The following GFPT1 variants were observed in gnomAD, a reference collection of about 807,000 sequenced individuals.
GFPT1 encodes glutamine--fructose-6-phosphate transaminase 1.
A neutral mutation model predicts 92.0 loss-of-function variants in GFPT1; 40 were observed. The observed-to-expected ratio is 0.43, with a 90% CI of 0.34 to 0.57. GFPT1 has a LOEUF of 0.57. Among genes scored for constraint, GFPT1 ranks in the 20% least tolerant of loss-of-function variants. The pLI is 0.02. For synonymous variants in GFPT1, 269 were observed against 280.6 expected (o/e 0.96, Z 0.41); for missense variants, 448 against 869.1 (o/e 0.52, Z 6.09).
intron 3 of GFPT1, among the ~76,000 whole-genome samples, chr2:69,369,349 T>A (rs1671688655): frequency 6.6e-6 from 1 of 152,220 alleles, no homozygotes; most frequent in Admixed American, 6.5e-5. Flanking sequence ...TGCGGTTTCC[T>A]GGGTTTTGTG....
intron 15 of GFPT1, 105 bp from the exon 16 acceptor site, chr2:69,329,903 G>A: frequency 1.3e-6 from 1 of 744,752 alleles, no homozygotes; most frequent in South Asian, 1.4e-5. Context: ...TGGTTTTACA[G>A]TATATATTCT....
intron 1 of GFPT1, among the ~76,000 whole-genome samples, chr2:69,378,213 C>G (rs1671925828): frequency 1.3e-5 from 2 of 152,168 alleles, no homozygotes; most frequent in Admixed American, 6.5e-5. Flanking sequence ...GCCATGTTGG[C>G]TAGGCTGGTC....
At chr2:69,378,479 T>C (rs1055037919) in intron 1 of GFPT1, among the ~76,000 whole-genome samples, 22 of 152,206 alleles carry the variant, frequency 1.4e-4, no homozygotes, top group Non-Finnish European at 2.2e-4. Context: ...TAATGGAATA[T>C]ACTTGGAATA....
intron 3 of GFPT1, among the ~76,000 whole-genome samples, chr2:69,369,677 A>C (rs1671695775): frequency 6.6e-6 from 1 of 152,234 alleles, no homozygotes; most frequent in African/African-American, 2.4e-5. Context: ...GCATCACTAA[A>C]AATACCTTTT....
Position 69,329,933 on chromosome 2 carries a change from T to C in GFPT1, c.1483-135A>G, listed in dbSNP as rs992855207. ...TATTCTCTATCTCTTAAAACTACGT[T>C]AGGGCCAAGCATGGTGGCTCATGCC... On this transcript the variant is annotated intron_variant, in intron 15 of 19. Transcript: ENST00000357308. The C allele has an allele frequency of 5.6e-5, 39 of 700,230 alleles. No homozygotes were observed. The Admixed American group carries it at 7.3e-4, about 13-fold the overall frequency. 43.4% of individuals were successfully genotyped at this position (700,230 alleles called of 1,614,324 possible).
At chr2:69,344,186 C>CAAAAAAAAAAAAAAAAAA (rs10602884) in intron 12 of GFPT1, among the ~76,000 whole-genome samples, 85 of 64,338 alleles carry the variant, frequency 1.3e-3, no homozygotes, top group Non-Finnish European at 1.5e-3. Context: ...AAAAGCAAAG[C>CAAAAAAAAAAAAAAAAAA]AAAAAAAAAA....
At chr2:69,345,547 A>T (rs1479183491) in intron 12 of GFPT1, among the ~76,000 whole-genome samples, 2 of 152,234 alleles carry the variant, frequency 1.3e-5, no homozygotes, top group Non-Finnish European at 2.9e-5. Context: ...TGTACAATTC[A>T]GTGGCATTAA....
chr2:69,337,652 A>G (rs1035643035), intron 15 of GFPT1, among the ~76,000 whole-genome samples: 2 of 152,222 alleles, frequency 1.3e-5, no homozygotes, highest in South Asian at 2.1e-4. Flanking sequence ...CATTATATAC[A>G]TAAGTCCCTT....
chr2:69,348,447 G>C, intron 10 of GFPT1, 113 bp from the exon 11 acceptor site: 3 of 872,858 alleles, frequency 3.4e-6, no homozygotes, highest in Non-Finnish European at 5.7e-6. Flanking sequence ...TCACTCTGCA[G>C]TATCTCAGAG....
Position 69,321,153 on chromosome 2 carries a change from T to C in GFPT1, c.*5036A>G, listed in dbSNP as rs1670394464. 6.6e-6 allele frequency: 1 copy of C among 152,248 alleles called. No homozygotes were observed. The highest frequency in any genetic ancestry group is 1.5e-5 in the Non-Finnish European group (1 of 68,038). 9.4% of individuals were successfully genotyped at this position (152,248 alleles called of 1,614,324 possible). ...AATATTATCCTTTCTTTTGCAACTA[T>C]CAATTCACTTAAAAGTTTTAATCAT... On this transcript the variant is annotated 3_prime_UTR_variant, in exon 20 of 20. Coordinates refer to ENST00000357308, the MANE Select transcript of GFPT1 (RefSeq NM_001244710.2).
At chr2:69,369,274 T>C (rs1671687195) in intron 3 of GFPT1, among the ~76,000 whole-genome samples, 1 of 152,190 alleles carries the variant, frequency 6.6e-6, no homozygotes, top group East Asian at 1.9e-4. Context: ...TCCATCATTT[T>C]CCTCTACCTG....
In GFPT1 at chr2:69,356,595, A is replaced by T. The variant is rs553195511; in HGVS notation, c.544-38T>A. The T allele has an allele frequency of 1.2e-4, 174 of 1,462,718 alleles. 3 individuals are homozygous for T. In the South Asian group the frequency reaches 1.9e-3, roughly 16 times the overall value. The allele number at this position is 1,462,718 out of a possible 1,614,324, so 90.6% of individuals were successfully genotyped here. A position where few individuals can be genotyped will look rare whatever the true frequency, so the allele number is the denominator to read the frequency against. ...AAAAATCCATTAGCACTATTTAATC[A>T]ATTATCAAGTCAGAAATGCCTAGAA... On this transcript the variant is annotated intron_variant, in intron 6 of 19. Transcript: ENST00000357308.
chr2:69,375,702 C>T (rs904322528), intron 1 of GFPT1, among the ~76,000 whole-genome samples: 5 of 152,168 alleles, frequency 3.3e-5, no homozygotes, highest in African/African-American at 1.2e-4. Flanking sequence ...AGTCATCTTA[C>T]TTTCACAGCA....
At chr2:69,351,040 T>C (rs1035033419) in intron 9 of GFPT1, among the ~76,000 whole-genome samples, 2 of 152,192 alleles carry the variant, frequency 1.3e-5, no homozygotes, top group Non-Finnish European at 1.5e-5. Flanking sequence ...TAATTCTGAT[T>C]TGAAAACAAA....
chr2:69,354,096 AAT>A (rs1671276900), intron 9 of GFPT1, among the ~76,000 whole-genome samples, 161 bp downstream of exon 9: 1 of 152,234 alleles, frequency 6.6e-6, no homozygotes, highest in Non-Finnish European at 1.5e-5. Flanking sequence ...AGACACGCAA[AAT>A]ATACTCCGCA....
At chr2:69,326,885 C>G (rs1356193087) in intron 19 of GFPT1, 29 bp downstream of exon 19, 9 of 1,611,788 alleles carry the variant, frequency 5.6e-6, no homozygotes, top group Non-Finnish European at 7.6e-6. Flanking sequence ...AAAACCATCC[C>G]AAGATTTCTG....
At position 69,329,429 on chromosome 2, in the gene GFPT1, G is replaced by C. The variant is rs748509856; in HGVS notation, c.1598-5C>G. The C allele has an allele frequency of 6.3e-7, 1 of 1,598,624 alleles. No homozygotes were observed. The highest frequency in any genetic ancestry group is 8.6e-7 in the Non-Finnish European group (1 of 1,166,400). On this transcript the variant is annotated splice_region_variant and splice_polypyrimidine_tract_variant and intron_variant, in intron 16 of 19. Coordinates refer to ENST00000357308, the MANE Select transcript of GFPT1 (RefSeq NM_001244710.2). ...TCAGTACTTCCTTAATCAAATCTAAGAAGTAATATTAGCAAAAAAGGACAA... is the reference window on the plus strand; with the variant it reads ...TCAGTACTTCCTTAATCAAATCTAACAAGTAATATTAGCAAAAAAGGACAA...
intron 2 of GFPT1, among the ~76,000 whole-genome samples, chr2:69,373,570 G>A (rs999135704): frequency 6.6e-6 from 1 of 152,104 alleles, no homozygotes; most frequent in African/African-American, 2.4e-5. Context: ...AGTGAGCTAT[G>A]ACCGCACCAC....
At chr2:69,372,633 C>A (rs745676799) in intron 2 of GFPT1, among the ~76,000 whole-genome samples, 55 of 151,876 alleles carry the variant, frequency 3.6e-4, no homozygotes, top group Admixed American at 6.6e-4. Context: ...AAAGGAGCCT[C>A]CAAAGCAAAC....
Sources: gnomAD v4.1 joint callset for allele counts (sites outside exome capture counted in the v4.1 genomes callset) on GRCh38, gnomAD v4.1.1 for gene constraint, MANE v1.5 for transcripts, NCBI Gene and HGNC (gene_info 2026-07-23, HGNC 2026-07-21) for gene names.